The following KLHL3 variants were observed in gnomAD, a reference collection of about 807,000 sequenced individuals.
KLHL3 encodes kelch like family member 3.
A neutral mutation model predicts 70.5 loss-of-function variants in KLHL3; 19 were observed. That is an observed-to-expected ratio of 0.27 (90% CI 0.19 to 0.40). KLHL3 has a LOEUF of 0.40. Among genes scored for constraint, KLHL3 ranks in the 10% least tolerant of loss-of-function variants. The probability of loss-of-function intolerance (pLI) is 1.00; values close to 1 mark genes in which losing one functional copy is unlikely to be tolerated. For missense variants in KLHL3, 512 were observed against 771.1 expected (o/e 0.66, Z 3.98); for synonymous variants, 258 against 290.3 (o/e 0.89, Z 1.13).
At chr5:137,720,300 C>CAA (rs796536128) in intron 2 of KLHL3, among the ~76,000 whole-genome samples, 165 bp downstream of exon 2, 3 of 124,406 alleles carry the variant, frequency 2.4e-5, no homozygotes, top group African/African-American at 6.0e-5. Context: ...GATTCCGTCT[C>CAA]AAAAAAAAAA....
chr5:137,706,491 C>T (rs755294619), intron 3 of KLHL3: 19 of 483,376 alleles, frequency 3.9e-5, no homozygotes, highest in East Asian at 1.5e-4. Flanking sequence ...TAGATCAATG[C>T]GGCACATGTC....
chr5:137,733,609 C>A (rs1753214588), intron 1 of KLHL3, among the ~76,000 whole-genome samples: 1 of 152,180 alleles, frequency 6.6e-6, no homozygotes, highest in Non-Finnish European at 1.5e-5. Flanking sequence ...CGAAGAACAT[C>A]AGCCAGGACT....
intron 2 of KLHL3, among the ~76,000 whole-genome samples, chr5:137,719,176 T>C (rs556903468): frequency 9.3e-4 from 142 of 152,370 alleles, no homozygotes; most frequent in African/African-American, 3.1e-3. Flanking sequence ...ATTGCGTACC[T>C]ACCACCTGTC....
intron 5 of KLHL3, among the ~76,000 whole-genome samples, chr5:137,683,807 C>T (rs1006245494): frequency 2.0e-5 from 3 of 151,196 alleles, no homozygotes; most frequent in East Asian, 1.9e-4. Flanking sequence ...TGCACGCGCA[C>T]ACACACACAC....
At chr5:137,703,147 C>G (rs758602884) in intron 3 of KLHL3, among the ~76,000 whole-genome samples, 1 of 152,294 alleles carries the variant, frequency 6.6e-6, no homozygotes, top group Admixed American at 6.5e-5. Flanking sequence ...ACCGACCACC[C>G]CTACATAGTT....
intron 6 of KLHL3, among the ~76,000 whole-genome samples, chr5:137,665,439 G>A (rs1022325129): frequency 1.2e-4 from 19 of 152,210 alleles, no homozygotes; most frequent in African/African-American, 4.6e-4. Flanking sequence ...ATTTAGGGGT[G>A]AAGTGTCATA....
At chr5:137,684,376 G>A (rs1362131627) in intron 5 of KLHL3, among the ~76,000 whole-genome samples, 1 of 152,166 alleles carries the variant, frequency 6.6e-6, no homozygotes, top group Non-Finnish European at 1.5e-5. Context: ...GACTCTCACT[G>A]AGTCAGAGAT....
chr5:137,705,980 T>C, intron 3 of KLHL3: 2 of 984,478 alleles, frequency 2.0e-6, no homozygotes, highest in Non-Finnish European at 2.4e-6. Context: ...GGCAAATAGG[T>C]TGACTGCTCA....
chr5:137,667,217 G>C (rs576686009), intron 6 of KLHL3, among the ~76,000 whole-genome samples: 2 of 152,252 alleles, frequency 1.3e-5, no homozygotes, highest in South Asian at 4.2e-4. Context: ...ACAACATAAA[G>C]CCTAAAATAT....
chr5:137,642,337 T>C (rs1361420045), intron 8 of KLHL3, among the ~76,000 whole-genome samples: 3 of 152,226 alleles, frequency 2.0e-5, no homozygotes, highest in African/African-American at 4.8e-5. Flanking sequence ...CCTTAACACC[T>C]GCTTATCTTT....
chr5:137,642,694 G>A (rs560299047), intron 8 of KLHL3, among the ~76,000 whole-genome samples: 6 of 152,226 alleles, frequency 3.9e-5, no homozygotes, highest in South Asian at 4.1e-4. Flanking sequence ...AAACTAGAAC[G>A]TCATTTTCTT....
chr5:137,622,233 G>A, intron 14 of KLHL3, 107 bp from the exon 15 acceptor site: 1 of 1,339,462 alleles, frequency 7.5e-7, no homozygotes, highest in Non-Finnish European at 1.1e-6. Flanking sequence ...CAAGGGAAAT[G>A]TGTGCAATTT....
rs561774638 is a variant in KLHL3, at chr5:137,648,508, G to A, written c.904-8531C>T. Among the ~76,000 whole-genome samples, 22 of 152,366 alleles carry A rather than the reference G, an allele frequency of 1.4e-4. No homozygotes were observed. The South Asian group carries it at 4.6e-3, about 32-fold the overall frequency. ...TTTCCTTGCTGCCATCTGTGGAACAGGGTAACGTAGGAGACTTCTGAGTGG... is the reference window on the plus strand; with the variant it reads ...TTTCCTTGCTGCCATCTGTGGAACAAGGTAACGTAGGAGACTTCTGAGTGG... On this transcript the variant is annotated intron_variant, in intron 8 of 14. Transcript: ENST00000309755.
chr5:137,680,550 T>C (rs6861475), intron 5 of KLHL3, among the ~76,000 whole-genome samples: 1,698 of 151,670 alleles, frequency 0.011, 31 homozygotes, highest in African/African-American at 0.039. Flanking sequence ...CTTTTTCTTT[T>C]TTTTTTTTTT....
intron 14 of KLHL3, among the ~76,000 whole-genome samples, chr5:137,625,532 CGGGCAG>C (rs533682660): frequency 8.5e-4 from 130 of 152,288 alleles, no homozygotes; most frequent in African/African-American, 3.0e-3. Flanking sequence ...TCACAGGGTT[CGGGCAG>C]GGGCAGGGGT....
At chr5:137,630,476 G>A (rs1251352364) in intron 12 of KLHL3, among the ~76,000 whole-genome samples, 2 of 152,026 alleles carry the variant, frequency 1.3e-5, no homozygotes, top group Non-Finnish European at 2.9e-5. Flanking sequence ...TTCGTGCCTG[G>A]CTGCCTCCCC....
intron 6 of KLHL3, among the ~76,000 whole-genome samples, chr5:137,676,740 C>G (rs949602733): frequency 2.6e-5 from 4 of 152,186 alleles, no homozygotes; most frequent in South Asian, 2.1e-4. Context: ...GTACCTCACC[C>G]AAGGTCACAT....
rs1752680736 is a variant in KLHL3, at chr5:137,706,139, C to T, written c.241+3611G>A. 3 of 985,250 alleles carry T rather than the reference C, an allele frequency of 3.0e-6. No individual in the cohort carries two copies. The Admixed American group carries it at 1.8e-4, about 61-fold the overall frequency. 61.0% of individuals were successfully genotyped at this position (985,250 alleles called of 1,614,324 possible). On this transcript the variant is annotated intron_variant, in intron 3 of 14. Transcript: ENST00000309755. ...TTGGAACCACCTCAGGACATTTGGG[C>T]AACATGAACTCGGAAGACAAAAAAA...
At chr5:137,677,511 G>T in intron 6 of KLHL3, 34 bp downstream of exon 6, 1 of 1,267,036 alleles carries the variant, frequency 7.9e-7, no homozygotes, top group Non-Finnish European at 1.1e-6. Flanking sequence ...CCTGACGAGT[G>T]AGGTTCCCGT....
Sources: allele counts gnomAD v4.1 joint callset (sites outside exome capture counted in the v4.1 genomes callset), GRCh38; gene constraint gnomAD v4.1.1; transcripts MANE v1.5; gene names NCBI Gene and HGNC (gene_info 2026-07-23, HGNC 2026-07-21).